The following CASZ1 variants were observed in gnomAD, a reference collection of about 807,000 sequenced individuals.
CASZ1 encodes castor zinc finger 1.
In CASZ1, 28 loss-of-function variants were observed where a neutral mutation model predicts 135.2. The ratio of observed to expected loss-of-function variants is 0.21; its 90% CI spans 0.15 to 0.28. The LOEUF (loss-of-function observed/expected upper bound fraction) is 0.28. CASZ1 is among the 10% of genes least tolerant of loss of function. The pLI, the probability that CASZ1 is intolerant of heterozygous loss-of-function variation, is 1.00. For synonymous variants in CASZ1, 1,068 were observed against 1,073.4 expected (o/e 0.99, Z 0.10); for missense variants, 2,161 against 2,453.3 (o/e 0.88, Z 2.52).
chr1:10,781,191 T>C (rs1361526677), intron 1 of CASZ1, among the ~76,000 whole-genome samples: 3 of 152,086 alleles, frequency 2.0e-5, no homozygotes, highest in Non-Finnish European at 4.4e-5. Flanking sequence ...GGAGAGAAGC[T>C]CCTCCTTCGA....
intron 5 of CASZ1, 108 bp downstream of exon 5, chr1:10,664,975 A>G: frequency 8.0e-7 from 1 of 1,249,922 alleles, no homozygotes; most frequent in Non-Finnish European, 1.0e-6. Flanking sequence ...AGGGGCCGGT[A>G]TTTAGAGCAG....
intron 3 of CASZ1, among the ~76,000 whole-genome samples, chr1:10,696,816 C>T (rs1196234376): frequency 6.6e-6 from 1 of 152,266 alleles, no homozygotes; most frequent in African/African-American, 2.4e-5. Flanking sequence ...TGATAGTGGT[C>T]AGAGCCTGAC....
At chr1:10,648,210 C>A in intron 15 of CASZ1, 71 bp from the exon 16 acceptor site, 2 of 1,109,234 alleles carry the variant, frequency 1.8e-6, no homozygotes, top group South Asian at 1.6e-5. Flanking sequence ...GCATGTGACC[C>A]CATCACAGGC....
rs1383258074 is a variant in CASZ1 at position 10,717,748 on chromosome 1, G to C, written c.-76-12204C>G. Among the ~76,000 whole-genome samples, 1 of 152,160 alleles carries C rather than the reference G, an allele frequency of 6.6e-6. No individual in the cohort carries two copies. Among genetic ancestry groups the C allele is most frequent in the African/African-American group, 2.4e-5 (1 of 41,434 alleles). On this transcript the variant is annotated intron_variant, in intron 2 of 20. Transcript: ENST00000377022. This position sits in a 1 kb window ranked among gnomAD's most constrained non-coding sequence, Gnocchi z 4.6. ...CCGGCACCCTGAACTCGGTCCCAGGGCGTGGCATGGGGCTTCCTGACCCAA... is the reference window on the plus strand; with the variant it reads ...CCGGCACCCTGAACTCGGTCCCAGGCCGTGGCATGGGGCTTCCTGACCCAA...
At chr1:10,766,152 C>T (rs146333122) in intron 1 of CASZ1, among the ~76,000 whole-genome samples, 183 of 152,088 alleles carry the variant, frequency 1.2e-3, no homozygotes, top group African/African-American at 3.6e-3. Context: ...AACCAAATAC[C>T]GTGCGGAGGG....
In CASZ1 at chr1:10,656,747, G is replaced by A; in HGVS notation, c.1410-11C>T. The A allele has an allele frequency of 1.3e-6, 2 of 1,565,612 alleles. No homozygotes were observed. ...TGGCTGCCCGAGAACCTGGAGGGAG[G>A]AGGGGTGGGGTCAGGGCCCTGCTGT... is the stretch of plus-strand genomic sequence containing the variant. On this transcript the variant is annotated splice_polypyrimidine_tract_variant and intron_variant, in intron 7 of 20. Coordinates refer to ENST00000377022, the MANE Select transcript of CASZ1 (RefSeq NM_001079843.3).
intron 1 of CASZ1, among the ~76,000 whole-genome samples, chr1:10,769,111 G>C (rs74836050): frequency 4.6e-5 from 7 of 152,220 alleles, no homozygotes; most frequent in Admixed American, 2.0e-4. Flanking sequence ...CTGCACTCCA[G>C]CCTGGGCAAC....
chr1:10,752,906 G>A (rs1364820559), intron 2 of CASZ1, among the ~76,000 whole-genome samples: 2 of 152,074 alleles, frequency 1.3e-5, no homozygotes, highest in Non-Finnish European at 2.9e-5. Context: ...GTGTGGTGGC[G>A]GGTACCTGTA....
rs564236605 is a variant in CASZ1, at chr1:10,717,817, G to A, written c.-76-12273C>T. ...GCTATGAATAGAGACGTCCTGCACC[G>A]GAGGACGTCCTCATAAACAGAACAA... is the stretch of plus-strand genomic sequence containing the variant. On this transcript the variant is annotated intron_variant, in intron 2 of 20. Coordinates refer to ENST00000377022, the MANE Select transcript of CASZ1 (RefSeq NM_001079843.3). The surrounding 1 kb of genome is among the most constrained non-coding windows in gnomAD (Gnocchi z 4.6). 1.4e-4 allele frequency among the ~76,000 whole-genome samples: 21 copies of A among 152,328 alleles called. No individual in the cohort carries two copies. The East Asian group carries it at 3.3e-3, about 24-fold the overall frequency.
rs1374890818 is a variant in CASZ1, at chr1:10,701,493, G to T, written c.-24+3999C>A. Among the ~76,000 whole-genome samples, 1 of 152,116 alleles carries T rather than the reference G, an allele frequency of 6.6e-6. No homozygotes were observed. The highest frequency in any genetic ancestry group is 2.4e-5 in the African/African-American group (1 of 41,424). Reference sequence around the variant, plus strand: ...AAGGACTTAGGTCCAGCCCCCTCTCGCCAAAGCTCGCCCTTCAGAGTGATG... The same window carrying T: ...AAGGACTTAGGTCCAGCCCCCTCTCTCCAAAGCTCGCCCTTCAGAGTGATG... On this transcript the variant is annotated intron_variant, in intron 3 of 20. Transcript: ENST00000377022. The surrounding 1 kb of genome is among the most constrained non-coding windows in gnomAD (Gnocchi z 6.3).
Position 10,699,875 on chromosome 1 carries a change from A to T in CASZ1, c.-24+5617T>A, listed in dbSNP as rs1043562634. On this transcript the variant is annotated intron_variant, in intron 3 of 20. Transcript: ENST00000377022. The surrounding 1 kb of genome is among the most constrained non-coding windows in gnomAD (Gnocchi z 4.6). ...TCAAGAGTGTGGCCACAAAAACTTT[A>T]AAAAAAAGTTTTGGGGTGGAAACGT... Among the ~76,000 whole-genome samples the T allele has an allele frequency of 2.0e-5, 3 of 151,922 alleles. No homozygotes were observed. The highest frequency in any genetic ancestry group is 2.9e-5 in the Non-Finnish European group (2 of 67,936).
chr1:10,639,237 CCCTCGCGCGGCCCGGGGGCGGCGG>C lies in CASZ1; in HGVS notation c.4961_4984del (p.Ala1654_Glu1661del). On this transcript the variant is annotated inframe_deletion, in exon 21 of 21. Transcript: ENST00000377022. The surrounding 1 kb of genome is among the most constrained non-coding windows in gnomAD (Gnocchi z 4.0). ...AGCTGCGGCGGCGGCGGCGGCGGCGCCCTCGCGCGGCCCGGGGGCGGCGGCGTCGGGCGGGCCGGGGTCGCCCGC... is the reference window on the plus strand; with the variant it reads ...AGCTGCGGCGGCGGCGGCGGCGGCGCCGTCGGGCGGGCCGGGGTCGCCCGC... 13 of 924,116 alleles carry C rather than the reference CCCTCGCGCGGCCCGGGGGCGGCGG, an allele frequency of 1.4e-5. No individual in the cohort carries two copies. Among genetic ancestry groups the C allele is most frequent in the Non-Finnish European group, 1.7e-5 (13 of 774,960 alleles). The allele number at this position is 924,116 out of a possible 1,614,324, so 57.2% of individuals were successfully genotyped here. A position where few individuals can be genotyped will look rare whatever the true frequency, so the allele number is the denominator to read the frequency against.
chr1:10,762,062 C>G lies in CASZ1; in HGVS notation c.-233-1205G>C, dbSNP rs1263628227. Among the ~76,000 whole-genome samples, 1 of 152,212 alleles carries G rather than the reference C, an allele frequency of 6.6e-6. No individual in the cohort carries two copies. Among genetic ancestry groups the G allele is most frequent in the Non-Finnish European group, 1.5e-5 (1 of 68,030 alleles). ...GCAGGTTCTCCAACTTGGCCCGGCCCTCAGAGTCCCCGGAGGCCTTGCAGG... is the reference window on the plus strand; with the variant it reads ...GCAGGTTCTCCAACTTGGCCCGGCCGTCAGAGTCCCCGGAGGCCTTGCAGG... On this transcript the variant is annotated intron_variant, in intron 1 of 20. Coordinates refer to ENST00000377022, the MANE Select transcript of CASZ1 (RefSeq NM_001079843.3). The surrounding 1 kb of genome is among the most constrained non-coding windows in gnomAD (Gnocchi z 4.1).
In CASZ1 at chr1:10,639,226, CGGCGGCGGCGCCCTCGCGCGGCCCGGG is replaced by C. The variant is rs986913564; in HGVS notation, c.4969_4995del (p.Pro1657_Ala1665del). 42 of 920,864 alleles carry C rather than the reference CGGCGGCGGCGCCCTCGCGCGGCCCGGG, an allele frequency of 4.6e-5. No homozygotes were observed. The highest frequency in any genetic ancestry group is 1.1e-4 in the East Asian group (1 of 8,740). The allele number at this position is 920,864 out of a possible 1,614,324, so 57.0% of individuals were successfully genotyped here. A position where few individuals can be genotyped will look rare whatever the true frequency, so the allele number is the denominator to read the frequency against. On this transcript the variant is annotated inframe_deletion, in exon 21 of 21. Coordinates refer to ENST00000377022, the MANE Select transcript of CASZ1 (RefSeq NM_001079843.3). This position sits in a 1 kb window ranked among gnomAD's most constrained non-coding sequence, Gnocchi z 4.0. ...GAGGACTCCCCAGCTGCGGCGGCGG[CGGCGGCGGCGCCCTCGCGCGGCCCGGG>C]GGCGGCGGCGTCGGGCGGGCCGGGG...
In CASZ1 at chr1:10,776,559, A is replaced by C. The variant is rs1466392738; in HGVS notation, c.-233-15702T>G. On this transcript the variant is annotated intron_variant, in intron 1 of 20. Transcript: ENST00000377022. This position sits in a 1 kb window ranked among gnomAD's most constrained non-coding sequence, Gnocchi z 4.1. ...ACATCCAGACAGGCAGTGATCGATA[A>C]GCAGGTGCATGGGGCATGGGTTGGG... Among the ~76,000 whole-genome samples, 1 of 152,218 alleles carries C rather than the reference A, an allele frequency of 6.6e-6. No individual in the cohort carries two copies. The highest frequency in any genetic ancestry group is 1.5e-5 in the Non-Finnish European group (1 of 68,028).
At chr1:10,673,259 T>G (rs1643464651) in intron 4 of CASZ1, among the ~76,000 whole-genome samples, 1 of 152,220 alleles carries the variant, frequency 6.6e-6, no homozygotes, top group African/African-American at 2.4e-5. Flanking sequence ...AGGATGGCCA[T>G]TAACATCCAA....
intron 2 of CASZ1, among the ~76,000 whole-genome samples, chr1:10,750,813 A>T (rs1570558189): frequency 6.6e-6 from 1 of 152,106 alleles, no homozygotes; most frequent in Non-Finnish European, 1.5e-5. Flanking sequence ...GCAGGAGAAT[A>T]GCTTGAACCC....
intron 5 of CASZ1, among the ~76,000 whole-genome samples, chr1:10,662,308 ACAC>A (rs1415278786): frequency 5.7e-5 from 6 of 105,080 alleles, no homozygotes; most frequent in Non-Finnish European, 1.1e-4. Context: ...ACATACATTG[ACAC>A]CCACCCACCC....
intron 1 of CASZ1, among the ~76,000 whole-genome samples, chr1:10,771,571 G>A (rs891300348): frequency 3.9e-5 from 6 of 152,080 alleles, no homozygotes; most frequent in Admixed American, 6.6e-5. Context: ...TTTAATTAGC[G>A]ACTTATTGTA....
Sources: gnomAD v4.1 joint callset for allele counts (sites outside exome capture counted in the v4.1 genomes callset) on GRCh38, gnomAD v4.1.1 for gene constraint, Gnocchi (gnomAD v3.1) non-coding constraint, MANE v1.5 for transcripts, NCBI Gene and HGNC (gene_info 2026-07-23, HGNC 2026-07-21) for gene names.